FSD2: variants seen among roughly 807,000 people sequenced by gnomAD.
FSD2 encodes the protein fibronectin type III and SPRY domain containing 2.
In FSD2, 71 loss-of-function variants were observed where a neutral mutation model predicts 80.4. The observed-to-expected ratio is 0.88, with a 90% CI of 0.73 to 1.08. The LOEUF is 1.08. Ranked by LOEUF, FSD2 falls within the 50% of genes least tolerant of loss-of-function variation. The probability of loss-of-function intolerance (pLI) is 0.00; values close to 1 mark genes in which losing one functional copy is unlikely to be tolerated. For missense variants in FSD2, 923 were observed against 913.8 expected, an observed-to-expected ratio of 1.01 and a Z score of -0.13; for synonymous variants, 361 against 329.5, an observed-to-expected ratio of 1.10 and a Z score of -1.03.
In FSD2 at chr15:82,786,715, A is replaced by G. The variant is rs772660237; in HGVS notation, c.639+37T>C. 3.7e-6 allele frequency: 6 copies of G among 1,609,680 alleles called. No individual in the cohort carries two copies. In the African/African-American group the frequency reaches 4.0e-5, roughly 11 times the overall value. ...CGTATGTACTTGAGATACCAAAGCA[A>G]TATCAAGACAGAGAAGAACCAAGGA... On this transcript the variant is annotated intron_variant, in intron 2 of 12. Transcript: ENST00000334574.
intron 1 of FSD2, among the ~76,000 whole-genome samples, chr15:82,792,645 TTTG>T (rs1219675270): frequency 1.3e-5 from 2 of 152,224 alleles, no homozygotes; most frequent in African/African-American, 4.8e-5. Flanking sequence ...ATCTATTTTT[TTTG>T]TTGTTGTTGC....
At chr15:82,776,716 T>C (rs936402503) in intron 6 of FSD2, among the ~76,000 whole-genome samples, 2 of 152,072 alleles carry the variant, frequency 1.3e-5, no homozygotes, top group East Asian at 3.8e-4. Flanking sequence ...CAGCATTTTT[T>C]ACAGAAATAA....
chr15:82,762,383 C>T (rs2049314004), intron 11 of FSD2, 105 bp from the exon 12 acceptor site: 2 of 1,087,826 alleles, frequency 1.8e-6, no homozygotes, highest in South Asian at 3.2e-5. Context: ...GGTCTACGAA[C>T]GTGGTGGTAG....
At chr15:82,785,300 A>T (rs1217215394) in intron 3 of FSD2, among the ~76,000 whole-genome samples, 3 of 146,924 alleles carry the variant, frequency 2.0e-5, no homozygotes, top group Non-Finnish European at 3.0e-5. Context: ...AAGGCAATAC[A>T]TTATTTATTT....
At chr15:82,776,414 A>T (rs2049714530) in intron 6 of FSD2, among the ~76,000 whole-genome samples, 2 of 152,216 alleles carry the variant, frequency 1.3e-5, no homozygotes, top group Admixed American at 1.3e-4. Flanking sequence ...CTTGGGAAGA[A>T]TGTGTATTCT....
intron 1 of FSD2, among the ~76,000 whole-genome samples, chr15:82,797,040 A>G: frequency 6.7e-6 from 1 of 148,522 alleles, no homozygotes; most frequent in Admixed American, 6.8e-5. Context: ...AAAAAAAAAA[A>G]ACACCTCCAG....
Position 82,782,817 on chromosome 15 carries a change from T to C in FSD2, c.944A>G (p.Glu315Gly), listed in dbSNP as rs2049900280. The stretch of plus-strand genomic sequence containing the variant: ...GACCTTTATGAAATCCACCTTCTCC[T>C]CGTGACACATCTCCTCTATTGTTTC... Reference protein sequence around the residue: ...LMETIEEMCHEEKVDFIKDAV... With the variant: ...LMETIEEMCHGEKVDFIKDAV... The change falls in exon 4 of 13, where the codon GAG becomes GGG. Residue 315 changes from glutamate (E) to glycine (G), a missense_variant. Physicochemically the swap from Glu to Gly is moderately conservative, Grantham distance 98 (BLOSUM62 -2). Coordinates refer to ENST00000334574, the MANE Select transcript of FSD2 (RefSeq NM_001007122.4). 1 of 1,611,592 alleles carries C rather than the reference T, an allele frequency of 6.2e-7. No homozygotes were observed.
intron 8 of FSD2, among the ~76,000 whole-genome samples, chr15:82,769,295 T>C (rs1045586085): frequency 6.6e-6 from 1 of 151,842 alleles, no homozygotes; most frequent in South Asian, 2.1e-4. Flanking sequence ...GTCGGCTGAG[T>C]GCAGTGGCTC....
intron 12 of FSD2, among the ~76,000 whole-genome samples, chr15:82,760,714 C>T (rs533128319): frequency 8.0e-5 from 10 of 125,040 alleles, no homozygotes; most frequent in South Asian, 5.0e-4. Flanking sequence ...CCACTTGTAA[C>T]GTGTGTGCAC....
At chr15:82,770,245 G>C (rs139934518) in intron 7 of FSD2, among the ~76,000 whole-genome samples, 260 of 152,316 alleles carry the variant, frequency 1.7e-3, no homozygotes, top group Non-Finnish European at 2.6e-3. Context: ...GAGACCGCAG[G>C]GAGAGAGACC....
In FSD2 at chr15:82,762,087, C is replaced by G. The variant is rs748464673; in HGVS notation, c.1997+15G>C. 13 of 1,554,810 alleles carry G rather than the reference C, an allele frequency of 8.4e-6. No individual in the cohort carries two copies. The African/African-American group carries it at 1.5e-4, about 18-fold the overall frequency. The stretch of plus-strand genomic sequence containing the variant: ...AAAGCAAATTTTAATTGTGAGTATC[C>G]AGATTTTACTTTACCTTGATGATGC... On this transcript the variant is annotated intron_variant, in intron 12 of 12. Transcript: ENST00000334574.
chr15:82,785,006 C>T (rs528836339), intron 3 of FSD2, among the ~76,000 whole-genome samples: 2 of 152,236 alleles, frequency 1.3e-5, no homozygotes, highest in East Asian at 1.9e-4. Context: ...TTACCAAAAA[C>T]GGGATGGGTA....
At chr15:82,792,895 G>T (rs564914719) in intron 1 of FSD2, among the ~76,000 whole-genome samples, 3 of 152,180 alleles carry the variant, frequency 2.0e-5, no homozygotes, top group Non-Finnish European at 4.4e-5. Flanking sequence ...TAGTTTTGGG[G>T]TTTTTTTCTT....
In FSD2 at chr15:82,770,065, C is replaced by A. The variant is rs151118331; in HGVS notation, c.1268-181G>T. Among the ~76,000 whole-genome samples, 373 of 152,334 alleles carry A rather than the reference C, an allele frequency of 2.4e-3. 1 individual carries two copies. Among genetic ancestry groups the A allele is most frequent in the African/African-American group, 8.5e-3 (354 of 41,580 alleles). ...CCATTCAGAGCTTCCTTCCTTCTCT[C>A]TATTCCTTGAAACTGGGCTTAGCTA... On this transcript the variant is annotated intron_variant, in intron 7 of 12. Transcript: ENST00000334574.
At chr15:82,788,390 G>C (rs2151523276) in intron 1 of FSD2, among the ~76,000 whole-genome samples, 1 of 150,506 alleles carries the variant, frequency 6.6e-6, no homozygotes, top group Middle Eastern at 3.4e-3. Context: ...TGTGGTCCCA[G>C]CTACTTGGGA....
intron 11 of FSD2, 87 bp downstream of exon 11, chr15:82,765,079 C>T: frequency 1.4e-6 from 2 of 1,426,944 alleles, no homozygotes; most frequent in Non-Finnish European, 1.9e-6. Flanking sequence ...CTCGAGGCTG[C>T]CTCCGTGCCA....
intron 1 of FSD2, among the ~76,000 whole-genome samples, chr15:82,801,645 T>G (rs1244078122): frequency 2.6e-5 from 4 of 152,178 alleles, no homozygotes; most frequent in African/African-American, 7.2e-5. Flanking sequence ...ATGCCATGTA[T>G]GTTATTGGTT....
chr15:82,787,525 A>T (rs972587047), intron 1 of FSD2, 57 bp from the exon 2 acceptor site: 1 of 785,680 alleles, frequency 1.3e-6, no homozygotes, highest in African/African-American at 1.7e-5. Context: ...GCAGTAGATG[A>T]TCATTAGATT....
At chr15:82,782,078 A>C in intron 4 of FSD2, among the ~76,000 whole-genome samples, 1 of 124,688 alleles carries the variant, frequency 8.0e-6, no homozygotes, top group Non-Finnish European at 1.6e-5. Flanking sequence ...TAATAATAAT[A>C]ATAATAATAA....
Sources: allele counts gnomAD v4.1 joint callset (sites outside exome capture counted in the v4.1 genomes callset), GRCh38; gene constraint gnomAD v4.1.1; transcripts MANE v1.5; gene names NCBI Gene and HGNC (gene_info 2026-07-23, HGNC 2026-07-21).